The following HMGXB4 variants were observed in gnomAD, a reference collection of about 807,000 sequenced individuals.
HMGXB4 encodes the protein HMG domain-containing protein 4.
HMGXB4 carries 27 observed loss-of-function variants against 63.9 expected under a neutral mutation model. The ratio of observed to expected loss-of-function variants is 0.42; its 90% CI spans 0.31 to 0.58. The LOEUF is 0.58. Ranked by LOEUF, HMGXB4 falls within the 20% of genes least tolerant of loss-of-function variation. HMGXB4 has a pLI of 0.13. For missense variants in HMGXB4, 624 were observed against 700.7 expected (o/e 0.89, Z 1.24); for synonymous variants, 264 against 265.3 (o/e 0.99, Z 0.05).
chr22:35,246,237 G>A, the HMGXB4 span, among the ~76,000 whole-genome samples: 4 of 152,010 alleles, frequency 2.6e-5, no homozygotes, highest in Admixed American at 6.5e-5. Flanking sequence ...TGGGTCCACC[G>A]CCTATTCTGT....
intron 4 of HMGXB4, 124 bp downstream of exon 4, chr22:35,263,998 C>G: frequency 1.9e-6 from 3 of 1,562,456 alleles, no homozygotes; most frequent in Non-Finnish European, 2.6e-6. Flanking sequence ...GGTTCTTGTT[C>G]TGAGTGCCGA....
In HMGXB4 at chr22:35,293,071, C is replaced by T. The variant is rs1385227201; in HGVS notation, c.1718C>T (p.Thr573Ile). The T allele has an allele frequency of 6.2e-7, 1 of 1,614,064 alleles. No homozygotes were observed. The highest frequency in any genetic ancestry group is 8.5e-7 in the Non-Finnish European group (1 of 1,180,042). ...ICALGPLACL[T>I]TQLPELNGCP... ...GCCCTTGGCCCCTTGGCATGTCTCACCACACAACTACCTGAATTGAATGGC... is the reference window on the plus strand; with the variant it reads ...GCCCTTGGCCCCTTGGCATGTCTCATCACACAACTACCTGAATTGAATGGC... Residue 573 changes from threonine (T) to isoleucine (I), a missense_variant, in exon 10 of 11, where the codon ACC (threonine) becomes ATC (isoleucine). Coordinates refer to ENST00000216106, the MANE Select transcript of HMGXB4 (RefSeq NM_001003681.3).
Position 35,262,307 on chromosome 22 carries a change from CTTCT to C in HMGXB4, c.-68-13_-68-10del. On this transcript the variant is annotated splice_polypyrimidine_tract_variant and intron_variant, in intron 1 of 10. Transcript: ENST00000216106. ...GATTTCGCATTACAGGAGGGTTTTC[CTTCT>C]TTGTTTCTCAGACCTGGTCCTGTAG... 7.0e-7 allele frequency: 1 copy of C among 1,425,238 alleles called. No homozygotes were observed. The highest frequency in any genetic ancestry group is 1.2e-5 in the South Asian group (1 of 86,844). The allele number at this position is 1,425,238 out of a possible 1,614,324, so 88.3% of individuals were successfully genotyped here.
intron 9 of HMGXB4, among the ~76,000 whole-genome samples, chr22:35,290,854 A>G (rs1274707393): frequency 6.6e-6 from 1 of 152,012 alleles, no homozygotes; most frequent in Non-Finnish European, 1.5e-5. Context: ...GTTATATTCT[A>G]TTTTTTTAAT....
In HMGXB4 at chr22:35,270,298, G is replaced by A. The variant is rs571607287; in HGVS notation, c.1215+4695G>A. Among the ~76,000 whole-genome samples, 12 of 152,276 alleles carry A rather than the reference G, an allele frequency of 7.9e-5. No individual in the cohort carries two copies. In the East Asian group the frequency reaches 2.3e-3, roughly 29 times the overall value. ...GCACAAACCCCAGCAGGTTCCTTAT[G>A]AGAATCTAATGCCCGATGATCTGTC... On this transcript the variant is annotated intron_variant, in intron 5 of 10. Transcript: ENST00000216106.
the HMGXB4 span, among the ~76,000 whole-genome samples, chr22:35,251,371 G>A: frequency 6.6e-5 from 10 of 152,222 alleles, no homozygotes; most frequent in African/African-American, 2.4e-4. Flanking sequence ...CACCGCGCCC[G>A]GCCTACAACT....
chr22:35,262,193 G>A lies in HMGXB4; in HGVS notation c.-68-130G>A, dbSNP rs368390761. The stretch of plus-strand genomic sequence containing the variant: ...CTGTATTTACAAAGAGAATGAGGAG[G>A]TGACAAGACACTTTTTATTTCTTGC... On this transcript the variant is annotated intron_variant, in intron 1 of 10. Coordinates refer to ENST00000216106, the MANE Select transcript of HMGXB4 (RefSeq NM_001003681.3). 450 of 617,210 alleles carry A rather than the reference G, an allele frequency of 7.3e-4. 2 individuals carry two copies. The South Asian group carries it at 7.9e-3, about 11-fold the overall frequency. The allele number at this position is 617,210 out of a possible 1,614,324, so 38.2% of individuals were successfully genotyped here. A position where few individuals can be genotyped will look rare whatever the true frequency, so the allele number is the denominator to read the frequency against.
chr22:35,287,300 A>AT lies in HMGXB4; in HGVS notation c.1363-43dup, dbSNP rs1417948479. On this transcript the variant is annotated intron_variant, in intron 7 of 10. Transcript: ENST00000216106. ...CTTTCATGACTGCTTTTCCTTTTAC[A>AT]TTTTGTCCTTCTTAATTTAATTTAA... is the stretch of plus-strand genomic sequence containing the variant. 2.8e-6 allele frequency: 4 copies of AT among 1,432,134 alleles called. No individual in the cohort carries two copies. In the South Asian group the frequency reaches 3.6e-5, roughly 13 times the overall value. 88.7% of individuals were successfully genotyped at this position (1,432,134 alleles called of 1,614,324 possible).
intron 5 of HMGXB4, among the ~76,000 whole-genome samples, chr22:35,268,934 A>G (rs1923430904): frequency 6.6e-6 from 1 of 152,202 alleles, no homozygotes; most frequent in African/African-American, 2.4e-5. Flanking sequence ...CTTCTAAGAC[A>G]TTCTGTACAC....
intron 5 of HMGXB4, among the ~76,000 whole-genome samples, chr22:35,270,964 G>A (rs545025441): frequency 3.9e-5 from 6 of 152,226 alleles, no homozygotes; most frequent in African/African-American, 1.4e-4. Flanking sequence ...AAAAAGAACT[G>A]TATAAAAGTC....
chr22:35,273,044 T>TTTTCTCTA (rs1923704185), intron 5 of HMGXB4, among the ~76,000 whole-genome samples: 1 of 152,202 alleles, frequency 6.6e-6, no homozygotes, highest in Non-Finnish European at 1.5e-5. Context: ...CAGGGCCAGG[T>TTTTCTCTA]AGCCTAATGC....
Position 35,287,334 on chromosome 22 carries a change from G to A in HMGXB4, c.1363-13G>A, listed in dbSNP as rs1312674096. ...TTCTTAATTTAATTTAATGTTCACTGATGTGATTGCAGATTTGGAAGCAAA... is the reference window on the plus strand; with the variant it reads ...TTCTTAATTTAATTTAATGTTCACTAATGTGATTGCAGATTTGGAAGCAAA... On this transcript the variant is annotated splice_polypyrimidine_tract_variant and intron_variant, in intron 7 of 10. Transcript: ENST00000216106. 4 of 1,587,804 alleles carry A rather than the reference G, an allele frequency of 2.5e-6. No individual in the cohort carries two copies. Among genetic ancestry groups the A allele is most frequent in the Non-Finnish European group, 3.5e-6 (4 of 1,157,682 alleles).
intron 1 of HMGXB4, among the ~76,000 whole-genome samples, chr22:35,259,005 A>C (rs192432772): frequency 1.9e-3 from 291 of 152,334 alleles, no homozygotes; most frequent in Non-Finnish European, 2.6e-3. Flanking sequence ...TTTTAACTGT[A>C]ATTTGAAGTT....
intron 5 of HMGXB4, among the ~76,000 whole-genome samples, chr22:35,266,157 C>T (rs987257324): frequency 1.3e-5 from 2 of 152,086 alleles, no homozygotes; most frequent in Non-Finnish European, 1.5e-5. Flanking sequence ...TGGCTTTTTC[C>T]AGCTAGTTCT....
Position 35,264,818 on chromosome 22 carries a change from A to G in HMGXB4, c.430A>G (p.Lys144Glu). The change falls in exon 5 of 11, where the codon AAA (lysine) becomes GAA (glutamate). Residue 144 changes from lysine (K) to glutamate (E), a missense_variant. By Grantham distance (56) the Lys-to-Glu change is moderately conservative. Transcript: ENST00000216106. ...SSGSSSHSES[K>E]KEHHRKKVSG... ...TGGCTCTTCAAGCCATTCGGAGAGT[A>G]AAAAGGAGCACCACAGGAAGAAAGT... 1 of 1,614,156 alleles carries G rather than the reference A, an allele frequency of 6.2e-7. No homozygotes were observed.
Position 35,262,754 on chromosome 22 carries a change from C to T in HMGXB4, c.32-324C>T, listed in dbSNP as rs1601624492. 3 of 520,268 alleles carry T rather than the reference C, an allele frequency of 5.8e-6. No homozygotes were observed. The East Asian group carries it at 1.0e-4, about 18-fold the overall frequency. 32.2% of individuals were successfully genotyped at this position (520,268 alleles called of 1,614,324 possible). On this transcript the variant is annotated intron_variant, in intron 2 of 10. Coordinates refer to ENST00000216106, the MANE Select transcript of HMGXB4 (RefSeq NM_001003681.3). ...GACTCCCACAGAGAGCAGCACAGCA[C>T]ATGAATCCTTATTCTTTTCAGCCTT...
Position 35,264,888 on chromosome 22 carries a change from A to C in HMGXB4, c.500A>C (p.His167Pro). The change falls in exon 5 of 11, where the codon CAC becomes CCC. Residue 167 changes from histidine to proline, a missense_variant. Physicochemically the swap from His to Pro is moderately conservative, Grantham distance 77 (BLOSUM62 -2). Coordinates refer to ENST00000216106, the MANE Select transcript of HMGXB4 (RefSeq NM_001003681.3). ...GELPLEDGGS[H>P]KSKKMKPLYV... Reference sequence around the variant, plus strand: ...CTACCCCTAGAGGATGGTGGCTCCCACAAATCGAAAAAAATGAAACCTCTC... The same window carrying C: ...CTACCCCTAGAGGATGGTGGCTCCCCCAAATCGAAAAAAATGAAACCTCTC... 1 of 1,614,194 alleles carries C rather than the reference A, an allele frequency of 6.2e-7. No homozygotes were observed. Among genetic ancestry groups the C allele is most frequent in the Non-Finnish European group, 8.5e-7 (1 of 1,180,030 alleles).
At position 35,292,975 on chromosome 22, in the gene HMGXB4, C is replaced by A; in HGVS notation, c.1639-17C>A. On this transcript the variant is annotated splice_polypyrimidine_tract_variant and intron_variant, in intron 9 of 10. Transcript: ENST00000216106. ...ATCAGGAGTGTGACTCAAGCAACAA[C>A]CTCCTCTCCTTTTCAGGGTATGGTG... 1.2e-6 allele frequency: 2 copies of A among 1,614,144 alleles called. No individual in the cohort carries two copies. The highest frequency in any genetic ancestry group is 2.2e-5 in the South Asian group (2 of 91,084).
At chr22:35,242,042 T>C in the HMGXB4 span, among the ~76,000 whole-genome samples, 3 of 152,220 alleles carry the variant, frequency 2.0e-5, no homozygotes, top group African/African-American at 7.2e-5. Flanking sequence ...TCTTCTCTGG[T>C]TTTGCTCTCG....
Sources: allele counts gnomAD v4.1 joint callset (sites outside exome capture counted in the v4.1 genomes callset), GRCh38; gene constraint gnomAD v4.1.1; transcripts MANE v1.5; gene names NCBI Gene and HGNC (gene_info 2026-07-23, HGNC 2026-07-21).